The following CEP350 variants were observed in gnomAD, a reference collection of about 807,000 sequenced individuals.
The protein encoded by CEP350 is centrosomal protein 350, also known as centrosome-associated protein 350.
CEP350 carries 126 observed loss-of-function variants against 331.8 expected under a neutral mutation model. The observed-to-expected ratio is 0.38, with a 90% confidence interval of 0.33 to 0.44. The LOEUF is 0.44. Ranked by LOEUF, CEP350 falls within the 20% of genes least tolerant of loss-of-function variation. The pLI, the probability that CEP350 is intolerant of heterozygous loss-of-function variation, is 1.00. For synonymous variants in CEP350, 1,200 were observed against 1,259.5 expected, an observed-to-expected ratio of 0.95 and a Z score of 1.00; for missense variants, 3,406 against 3,634.6, an observed-to-expected ratio of 0.94 and a Z score of 1.62.
At chr1:180,084,502 C>T (rs1328462671) in intron 31 of CEP350, among the ~76,000 whole-genome samples, 3 of 152,152 alleles carry the variant, frequency 2.0e-5, no homozygotes, top group African/African-American at 7.2e-5. Context: ...GTAGCTGGGA[C>T]TACAGGCGTC....
At chr1:179,958,873 T>C (rs1219930840) in intron 1 of CEP350, among the ~76,000 whole-genome samples, 3 of 152,148 alleles carry the variant, frequency 2.0e-5, no homozygotes, top group African/African-American at 7.2e-5. Flanking sequence ...CATAGACAAA[T>C]GTAGTTTTGT....
At chr1:180,050,381 G>A (rs1178208702) in intron 22 of CEP350, among the ~76,000 whole-genome samples, 3 of 152,088 alleles carry the variant, frequency 2.0e-5, no homozygotes, top group Non-Finnish European at 2.9e-5. Context: ...AATAATAGAA[G>A]GCTGGGTGCA....
rs781659901 is a variant in CEP350, at chr1:180,062,349, G to T, written c.5392G>T (p.Ala1798Ser). The T allele has an allele frequency of 6.2e-7, 1 of 1,601,734 alleles. No homozygotes were observed. Among genetic ancestry groups the T allele is most frequent in the Non-Finnish European group, 8.5e-7 (1 of 1,174,344 alleles). ...TIKLQEKLKS[A>S]GESKLDSHSD... ...AAAACTACAGGAGAAATTGAAGTCT[G>T]CAGGGGAGAGTAAATTGGTAAACTA... Residue 1798 changes from alanine to serine, a missense_variant, in exon 26 of 38, where the codon GCA (alanine) becomes TCA (serine). Coordinates refer to ENST00000367607, the MANE Select transcript of CEP350 (RefSeq NM_014810.5).
At chr1:180,082,068 C>T (rs1034511717) in intron 30 of CEP350, among the ~76,000 whole-genome samples, 21 of 152,126 alleles carry the variant, frequency 1.4e-4, no homozygotes, top group African/African-American at 5.1e-4. Flanking sequence ...TCTTACTTAC[C>T]GGTGACTTTC....
At chr1:180,095,405 T>C in intron 34 of CEP350, 118 bp from the exon 35 acceptor site, 1 of 1,195,020 alleles carries the variant, frequency 8.4e-7, no homozygotes, top group African/African-American at 1.5e-5. Context: ...TTTTTTATTC[T>C]GCTTACTTAT....
At chr1:179,998,018 T>C (rs1046882523) in intron 6 of CEP350, among the ~76,000 whole-genome samples, 1 of 151,942 alleles carries the variant, frequency 6.6e-6, no homozygotes, top group Non-Finnish European at 1.5e-5. Context: ...GCTTTTTTTT[T>C]TTTTAAAGCC....
At chr1:179,987,391 T>G in intron 3 of CEP350, 105 bp downstream of exon 3, 1 of 419,068 alleles carries the variant, frequency 2.4e-6, no homozygotes, top group East Asian at 5.2e-5. Flanking sequence ...AAATACTATA[T>G]ATTACTATAG....
At chr1:180,041,339 A>G in intron 18 of CEP350, 91 bp downstream of exon 18, 2 of 890,402 alleles carry the variant, frequency 2.2e-6, no homozygotes, top group Non-Finnish European at 3.4e-6. Flanking sequence ...ATAGGAGAAA[A>G]AAGTGTATAT....
intron 11 of CEP350, 145 bp from the exon 12 acceptor site, chr1:180,019,804 G>T: frequency 5.1e-6 from 3 of 593,180 alleles, no homozygotes; most frequent in Non-Finnish European, 8.0e-6. Context: ...TTATTGTTTT[G>T]CTGAGTGATC....
At chr1:180,004,873 G>GGCTGGCTGGCTGGCTT (rs1265597009) in intron 7 of CEP350, among the ~76,000 whole-genome samples, 2 of 100,532 alleles carry the variant, frequency 2.0e-5, no homozygotes, top group African/African-American at 7.1e-5. Context: ...CAGGCTGGCT[G>GGCTGGCTGGCTGGCTT]GCTTGCTTGC....
chr1:179,974,998 G>T (rs1431243800), intron 1 of CEP350, among the ~76,000 whole-genome samples: 1 of 146,184 alleles, frequency 6.8e-6, no homozygotes, highest in East Asian at 2.0e-4. Flanking sequence ...CTCTAAAAAA[G>T]AAAAAAAAAG....
chr1:180,058,797 C>A (rs1190447445), intron 25 of CEP350, among the ~76,000 whole-genome samples: 1 of 152,006 alleles, frequency 6.6e-6, no homozygotes, highest in East Asian at 1.9e-4. Flanking sequence ...GTTGAAAAAA[C>A]CAAAGTGTAA....
Position 180,044,063 on chromosome 1 carries a change from T to G in CEP350, c.4512T>G (p.Ser1504=). 2.6e-6 allele frequency: 4 copies of G among 1,537,888 alleles called. No individual in the cohort carries two copies. The highest frequency in any genetic ancestry group is 3.5e-6 in the Non-Finnish European group (4 of 1,144,062). ...TRTETDRKSP[S]VSLSQSKEGT... is the part of the protein sequence containing the mutation. ...ATTTTATTTGTAGGAAAAGTCCATC[T>G]GTTTCACTCTCTCAGAGTAAAGAAG... The change falls in exon 21 of 38, where the codon TCT becomes TCG. Residue 1504 remains serine (S), a synonymous_variant. Coordinates refer to ENST00000367607, the MANE Select transcript of CEP350 (RefSeq NM_014810.5).
chr1:180,020,161 C>A lies in CEP350; in HGVS notation c.2387C>A (p.Pro796His), dbSNP rs76351623. 6 of 1,613,878 alleles carry A rather than the reference C, an allele frequency of 3.7e-6. No homozygotes were observed. The African/African-American group carries it at 6.7e-5, about 18-fold the overall frequency. ...NMASRPLTFT[P>H]QPYVTSPAAY... ...GCTTCAAGGCCATTAACTTTTACACCTCAACCATATGTGACCTCACCAGCT... is the reference window on the plus strand; with the variant it reads ...GCTTCAAGGCCATTAACTTTTACACATCAACCATATGTGACCTCACCAGCT... The change falls in exon 12 of 38, where the codon CCT becomes CAT. Residue 796 changes from proline to histidine, a missense_variant. Pro to His is a moderately conservative substitution (Grantham distance 77). Transcript: ENST00000367607.
intron 21 of CEP350, among the ~76,000 whole-genome samples, chr1:180,045,922 A>T (rs1657090066): frequency 6.6e-6 from 1 of 152,126 alleles, no homozygotes; most frequent in African/African-American, 2.4e-5. Context: ...ACTCATTCTA[A>T]CTATTTCCAG....
chr1:180,093,937 A>T lies in CEP350; in HGVS notation c.7832A>T (p.Tyr2611Phe). ...GACAGAGAAAAGGATGTCAGTGAAT[A>T]TTTTTATGAGAAATCCCTACCTAGT... Reference protein sequence around the residue: ...PKDREKDVSEYFYEKSLPSVN... With the variant: ...PKDREKDVSEFFYEKSLPSVN... The change falls in exon 34 of 38, where the codon TAT (tyrosine) becomes TTT (phenylalanine). Residue 2611 changes from tyrosine (Y) to phenylalanine (F), a missense_variant. Around this residue, in one of 5 missense-constraint regions of CEP350, gnomAD observed 1,415 missense variants for 1,512.3 expected, o/e 0.94. Transcript: ENST00000367607. 1 of 1,613,902 alleles carries T rather than the reference A, an allele frequency of 6.2e-7. No individual in the cohort carries two copies. Among genetic ancestry groups the T allele is most frequent in the Non-Finnish European group, 8.5e-7 (1 of 1,179,836 alleles).
intron 7 of CEP350, among the ~76,000 whole-genome samples, chr1:180,004,704 G>T (rs1654092425): frequency 6.6e-6 from 1 of 152,160 alleles, no homozygotes; most frequent in Non-Finnish European, 1.5e-5. Flanking sequence ...GTTATGATCT[G>T]TCAGCAGCAT....
chr1:180,086,155 A>G (rs1156882301), intron 31 of CEP350, among the ~76,000 whole-genome samples: 1 of 152,220 alleles, frequency 6.6e-6, no homozygotes, highest in African/African-American at 2.4e-5. Flanking sequence ...CAGAGATGGA[A>G]TAGGGATTGT....
At chr1:180,094,955 A>T (rs1452508166) in intron 34 of CEP350, among the ~76,000 whole-genome samples, 1 of 152,202 alleles carries the variant, frequency 6.6e-6, no homozygotes, top group South Asian at 2.1e-4. Flanking sequence ...AGATTCACTG[A>T]ACAAATTCGT....
Sources: allele counts gnomAD v4.1 joint callset (sites outside exome capture counted in the v4.1 genomes callset), GRCh38; gene constraint gnomAD v4.1.1; regional missense constraint gnomAD v4.1.1; transcripts MANE v1.5; gene names NCBI Gene and HGNC (gene_info 2026-07-23, HGNC 2026-07-21).